Variants in SEMA5A observed in about 807,000 individuals in gnomAD.
The protein encoded by SEMA5A is semaphorin-5A.
SEMA5A carries 55 observed loss-of-function variants against 135.5 expected under a neutral mutation model. The ratio of observed to expected loss-of-function variants is 0.41; its 90% confidence interval spans 0.33 to 0.51. The LOEUF (loss-of-function observed/expected upper bound fraction) is 0.51. SEMA5A is among the 20% of genes least tolerant of loss of function. SEMA5A has a pLI of 0.37. For synonymous variants in SEMA5A, 580 were observed against 546.5 expected, an observed-to-expected ratio of 1.06 and a Z score of -0.85; for missense variants, 1,290 against 1,419.9, an observed-to-expected ratio of 0.91 and a Z score of 1.47.
chr5:9,173,542 G>A (rs1303311962), intron 11 of SEMA5A, among the ~76,000 whole-genome samples: 2 of 152,044 alleles, frequency 1.3e-5, no homozygotes, highest in African/African-American at 4.8e-5. Context: ...CTCACATAGT[G>A]GAAGAGGTGA....
intron 2 of SEMA5A, among the ~76,000 whole-genome samples, chr5:9,381,753 C>G (rs1471391143): frequency 6.6e-6 from 1 of 152,106 alleles, no homozygotes; most frequent in Admixed American, 6.6e-5. Flanking sequence ...TGCCCAGATT[C>G]CTGACCCCAC....
chr5:9,059,548 G>A (rs1561111874), intron 18 of SEMA5A, among the ~76,000 whole-genome samples: 1 of 151,934 alleles, frequency 6.6e-6, no homozygotes, highest in Non-Finnish European at 1.5e-5. Context: ...ATATTCTCTG[G>A]TTTATTTTAT....
Position 9,109,027 on chromosome 5 carries a change from A to ATTTTTTTTTTTTTTTTTTTTTTTTTTTT in SEMA5A, c.1926-741_1926-740insAAAAAAAAAAAAAAAAAAAAAAAAAAAA. ...ATCATGAGTCATATTATTTCTCTTC[A>ATTTTTTTTTTTTTTTTTTTTTTTTTTTT]ATTTTTTTTTTTTTTTTTTTTTTTT... On this transcript the variant is annotated intron_variant, in intron 15 of 22. Transcript: ENST00000382496. Among the ~76,000 whole-genome samples, 2 of 118,956 alleles carry ATTTTTTTTTTTTTTTTTTTTTTTTTTTT rather than the reference A, an allele frequency of 1.7e-5. 1 individual carries two copies. The highest frequency in any genetic ancestry group is 5.2e-4 in the East Asian group (2 of 3,812). 78.0% of individuals were successfully genotyped at this position (118,956 alleles called of 152,430 possible).
At chr5:9,543,571 C>T (rs1738212101) in intron 1 of SEMA5A, among the ~76,000 whole-genome samples, 2 of 152,130 alleles carry the variant, frequency 1.3e-5, no homozygotes, top group African/African-American at 4.8e-5. Context: ...TGAGTTAGTG[C>T]AATTCACAAA....
At chr5:9,301,129 T>C (rs1437174751) in intron 5 of SEMA5A, among the ~76,000 whole-genome samples, 3 of 152,234 alleles carry the variant, frequency 2.0e-5, no homozygotes, top group Non-Finnish European at 4.4e-5. Flanking sequence ...GACAACTATA[T>C]TAACAAGCTA....
At chr5:9,431,401 C>T (rs1415197242) in intron 2 of SEMA5A, among the ~76,000 whole-genome samples, 1 of 152,200 alleles carries the variant, frequency 6.6e-6, no homozygotes, top group Non-Finnish European at 1.5e-5. Flanking sequence ...AACCAACTTC[C>T]CAACCTTTGC....
At chr5:9,381,559 A>C (rs2126485944) in intron 2 of SEMA5A, among the ~76,000 whole-genome samples, 1 of 152,322 alleles carries the variant, frequency 6.6e-6, no homozygotes, top group East Asian at 1.9e-4. Flanking sequence ...ACATTCTTTA[A>C]GACACTGAGA....
At chr5:9,518,070 T>A (rs1736624708) in intron 1 of SEMA5A, 1 of 152,112 alleles carries the variant, frequency 6.6e-6, no homozygotes, top group South Asian at 2.1e-4. Flanking sequence ...ACAACTCTAT[T>A]TCACCCACCA....
intron 12 of SEMA5A, among the ~76,000 whole-genome samples, chr5:9,146,763 G>T (rs1023481480): frequency 1.3e-5 from 2 of 152,092 alleles, no homozygotes; most frequent in Non-Finnish European, 2.9e-5. Flanking sequence ...GCCCCACTTG[G>T]TGTTTGGCAT....
chr5:9,475,461 T>A (rs1441628470), intron 1 of SEMA5A, among the ~76,000 whole-genome samples: 1 of 152,232 alleles, frequency 6.6e-6, no homozygotes, highest in Non-Finnish European at 1.5e-5. Flanking sequence ...GAATACATTC[T>A]CTAATTTTGA....
At chr5:9,334,493 A>G (rs1753295973) in intron 4 of SEMA5A, among the ~76,000 whole-genome samples, 2 of 152,214 alleles carry the variant, frequency 1.3e-5, no homozygotes, top group Admixed American at 1.3e-4. Flanking sequence ...TGCGAAACCC[A>G]TGAAGACCCT....
At chr5:9,334,587 G>C (rs925567282) in intron 4 of SEMA5A, among the ~76,000 whole-genome samples, 1 of 152,110 alleles carries the variant, frequency 6.6e-6, no homozygotes, top group Non-Finnish European at 1.5e-5. Flanking sequence ...TTTCATCTTC[G>C]CAACAGCTGA....
At chr5:9,446,743 A>G (rs1758449372) in intron 1 of SEMA5A, among the ~76,000 whole-genome samples, 1 of 152,246 alleles carries the variant, frequency 6.6e-6, no homozygotes, top group African/African-American at 2.4e-5. Flanking sequence ...AAGGAGACTC[A>G]AGATTTAACT....
chr5:9,230,613 TGA>T (rs1747576899), intron 6 of SEMA5A, among the ~76,000 whole-genome samples: 1 of 151,064 alleles, frequency 6.6e-6, no homozygotes, highest in Admixed American at 6.6e-5. Context: ...CAGAACGGAG[TGA>T]GTGTGTGGAA....
intron 5 of SEMA5A, among the ~76,000 whole-genome samples, chr5:9,305,536 T>C (rs933455125): frequency 2.6e-5 from 4 of 151,878 alleles, no homozygotes; most frequent in African/African-American, 9.7e-5. Flanking sequence ...GGGATTTTTT[T>C]GTATTAGAGT....
intron 1 of SEMA5A, chr5:9,522,643 A>C (rs1295996969): frequency 6.6e-6 from 1 of 152,266 alleles, no homozygotes; most frequent in East Asian, 1.9e-4. Context: ...GTATGTGTTT[A>C]ACTCCACGCC....
At chr5:9,238,601 A>C (rs780998098) in intron 5 of SEMA5A, among the ~76,000 whole-genome samples, 51 of 152,180 alleles carry the variant, frequency 3.4e-4, no homozygotes, top group Non-Finnish European at 6.2e-4. Context: ...TGATTAGTGA[A>C]GAAAACAGAC....
intron 1 of SEMA5A, among the ~76,000 whole-genome samples, chr5:9,490,820 C>G (rs1001205825): frequency 3.3e-5 from 5 of 152,200 alleles, no homozygotes; most frequent in African/African-American, 1.2e-4. Context: ...AGACTTAAAT[C>G]TGGCTTCTTT....
At chr5:9,244,891 GGAA>G (rs1333930054) in intron 5 of SEMA5A, among the ~76,000 whole-genome samples, 2 of 151,882 alleles carry the variant, frequency 1.3e-5, no homozygotes, top group South Asian at 2.1e-4. Flanking sequence ...CCTGACACTG[GGAA>G]GAAGAATATG....
Sources: gnomAD v4.1 joint callset for allele counts (sites outside exome capture counted in the v4.1 genomes callset) on GRCh38, gnomAD v4.1.1 for gene constraint, MANE v1.5 for transcripts, NCBI Gene and HGNC (gene_info 2026-07-23, HGNC 2026-07-21) for gene names.